Variants in ADAMTS6 observed in about 807,000 individuals in gnomAD.
ADAMTS6 encodes the protein ADAM metallopeptidase with thrombospondin type 1 motif 6.
In ADAMTS6, 23 loss-of-function variants were observed where a neutral mutation model predicts 144.3. The ratio of observed to expected loss-of-function variants is 0.16; its 90% CI spans 0.11 to 0.23. The LOEUF (loss-of-function observed/expected upper bound fraction) is 0.23. Ranked by LOEUF, ADAMTS6 falls within the 10% of genes least tolerant of loss-of-function variation. The pLI, the probability that ADAMTS6 is intolerant of heterozygous loss-of-function variation, is 1.00. For missense variants in ADAMTS6, 999 were observed against 1,379.6 expected, an observed-to-expected ratio of 0.72 and a Z score of 4.37; for synonymous variants, 444 against 457.5, an observed-to-expected ratio of 0.97 and a Z score of 0.38.
At chr5:65,480,373 G>A (rs555038181) in intron 1 of ADAMTS6, among the ~76,000 whole-genome samples, 13 of 151,798 alleles carry the variant, frequency 8.6e-5, no homozygotes, top group Admixed American at 7.9e-4. Context: ...AGCTGCCCTG[G>A]TTGAGTTGAT....
At chr5:65,478,565 AAAT>A (rs1761000206) in intron 1 of ADAMTS6, among the ~76,000 whole-genome samples, 1 of 152,192 alleles carries the variant, frequency 6.6e-6, no homozygotes, top group Non-Finnish European at 1.5e-5. Flanking sequence ...ACTTTAAGCT[AAAT>A]AATATTAGCC....
chr5:65,177,758 C>G (rs1045230633), intron 22 of ADAMTS6, among the ~76,000 whole-genome samples: 1 of 152,232 alleles, frequency 6.6e-6, no homozygotes, highest in Non-Finnish European at 1.5e-5. Context: ...ATCAAATATT[C>G]CATCTGCACG....
intron 11 of ADAMTS6, among the ~76,000 whole-genome samples, chr5:65,283,045 T>C (rs1035909881): frequency 6.6e-6 from 1 of 152,042 alleles, no homozygotes; most frequent in African/African-American, 2.4e-5. Flanking sequence ...ATATGAAACA[T>C]CCTCTTTGTC....
chr5:65,179,242 T>C (rs1754180629), intron 22 of ADAMTS6, among the ~76,000 whole-genome samples: 1 of 152,208 alleles, frequency 6.6e-6, no homozygotes, highest in African/African-American at 2.4e-5. Context: ...TACAGTCCTA[T>C]TATTTTATGG....
intron 1 of ADAMTS6, among the ~76,000 whole-genome samples, chr5:65,479,015 G>A (rs908219874): frequency 7.2e-5 from 11 of 152,256 alleles, no homozygotes; most frequent in Non-Finnish European, 1.6e-4. Context: ...AGTGATCGGG[G>A]AGTAGCCAAG....
At chr5:65,449,913 A>T (rs1480598585) in intron 7 of ADAMTS6, among the ~76,000 whole-genome samples, 1 of 152,162 alleles carries the variant, frequency 6.6e-6, no homozygotes, top group Non-Finnish European at 1.5e-5. Flanking sequence ...GAGATATAAT[A>T]ATGCAAATGT....
At chr5:65,322,291 C>A (rs1441103448) in intron 9 of ADAMTS6, among the ~76,000 whole-genome samples, 3 of 152,112 alleles carry the variant, frequency 2.0e-5, no homozygotes, top group African/African-American at 7.2e-5. Flanking sequence ...CAGTTTGAAG[C>A]CAAGTAGCAT....
intron 10 of ADAMTS6, among the ~76,000 whole-genome samples, chr5:65,299,621 T>G (rs888627217): frequency 3.3e-5 from 5 of 152,162 alleles, no homozygotes; most frequent in African/African-American, 1.2e-4. Context: ...GGCTTTCCTA[T>G]AGAACTCAGT....
At chr5:65,209,082 G>GTATGAATAAAATCAAAGGATGAATA (rs1160112657) in intron 20 of ADAMTS6, among the ~76,000 whole-genome samples, 2 of 152,168 alleles carry the variant, frequency 1.3e-5, no homozygotes, top group African/African-American at 2.4e-5. Context: ...AAGAGAATAT[G>GTATGAATAAAATCAAAGGATGAATA]TATGAATAAA....
At chr5:65,252,150 T>G (rs1760220377) in intron 14 of ADAMTS6, among the ~76,000 whole-genome samples, 2 of 152,114 alleles carry the variant, frequency 1.3e-5, no homozygotes, top group South Asian at 2.1e-4. Flanking sequence ...GGGATCCACA[T>G]AGGAGGAATA....
intron 7 of ADAMTS6, among the ~76,000 whole-genome samples, chr5:65,368,675 G>GA (rs1420795094): frequency 6.6e-6 from 1 of 152,180 alleles, no homozygotes; most frequent in Non-Finnish European, 1.5e-5. Flanking sequence ...TAGAAATATA[G>GA]AAAGAGTCTG....
intron 7 of ADAMTS6, among the ~76,000 whole-genome samples, chr5:65,396,590 G>T (rs1424089716): frequency 6.6e-6 from 1 of 152,122 alleles, no homozygotes; most frequent in Non-Finnish European, 1.5e-5. Context: ...GCATCTTATC[G>T]TCCATCGGAT....
At chr5:65,193,735 G>T (rs1755154899) in intron 21 of ADAMTS6, among the ~76,000 whole-genome samples, 1 of 151,988 alleles carries the variant, frequency 6.6e-6, no homozygotes, top group East Asian at 1.9e-4. Context: ...TCTTTATTTA[G>T]CATATATAAT....
chr5:65,303,184 T>C (rs999398174), intron 9 of ADAMTS6, among the ~76,000 whole-genome samples: 1 of 152,134 alleles, frequency 6.6e-6, no homozygotes, highest in African/African-American at 2.4e-5. Context: ...GATCAATGGT[T>C]AAAACTATTC....
intron 24 of ADAMTS6, among the ~76,000 whole-genome samples, chr5:65,154,191 G>A (rs1018947126): frequency 1.3e-5 from 2 of 152,208 alleles, no homozygotes; most frequent in African/African-American, 4.8e-5. Flanking sequence ...CTGGGCGACA[G>A]AGCTAGACTC....
At chr5:65,284,149 T>G (rs955844450) in intron 11 of ADAMTS6, among the ~76,000 whole-genome samples, 1 of 152,086 alleles carries the variant, frequency 6.6e-6, no homozygotes. Flanking sequence ...TAACTGAATC[T>G]TTTTTAATTG....
At chr5:65,173,393 T>G (rs1753749509) in intron 22 of ADAMTS6, among the ~76,000 whole-genome samples, 1 of 152,190 alleles carries the variant, frequency 6.6e-6, no homozygotes, top group African/African-American at 2.4e-5. Flanking sequence ...ATTTGTATGT[T>G]ATTAGTAGAC....
chr5:65,154,100 C>T (rs1374878258), intron 24 of ADAMTS6, among the ~76,000 whole-genome samples: 1 of 152,118 alleles, frequency 6.6e-6, no homozygotes, highest in African/African-American at 2.4e-5. Context: ...CCCAGCTACT[C>T]AGGAGGCTGA....
At chr5:65,196,484 C>G (rs1755371678) in intron 21 of ADAMTS6, among the ~76,000 whole-genome samples, 1 of 128,414 alleles carries the variant, frequency 7.8e-6, no homozygotes, top group Admixed American at 9.7e-5. Context: ...GATCGCGCCA[C>G]TGCACTCCAG....
Sources: allele counts gnomAD v4.1 joint callset (sites outside exome capture counted in the v4.1 genomes callset), GRCh38; gene constraint gnomAD v4.1.1; transcripts MANE v1.5; gene names NCBI Gene and HGNC (gene_info 2026-07-23, HGNC 2026-07-21).